Variants in MARCHF4 observed in about 807,000 individuals in gnomAD.
The protein encoded by MARCHF4 is E3 ubiquitin-protein ligase MARCHF4.
A neutral mutation model predicts 43.9 loss-of-function variants in MARCHF4; 14 were observed. The observed-to-expected ratio is 0.32, with a 90% CI of 0.21 to 0.50. The LOEUF is 0.50. MARCHF4 is among the 20% of genes least tolerant of loss of function. MARCHF4 has a pLI of 0.98. For missense variants in MARCHF4, 468 were observed against 536.7 expected, an observed-to-expected ratio of 0.87 and a Z score of 1.27; for synonymous variants, 226 against 213.3, an observed-to-expected ratio of 1.06 and a Z score of -0.52.
intron 1 of MARCHF4, among the ~76,000 whole-genome samples, chr2:216,312,735 T>TG (rs34191228): frequency 0.45 from 68,269 of 151,920 alleles, 15,507 homozygotes; most frequent in Middle Eastern, 0.52. Context: ...TTAATGGAGT[T>TG]TTTCTTGTTG....
chr2:216,278,516 T>C (rs1200859958), intron 2 of MARCHF4, among the ~76,000 whole-genome samples: 3 of 152,150 alleles, frequency 2.0e-5, no homozygotes, highest in Non-Finnish European at 4.4e-5. Context: ...TGAGCCACCA[T>C]GCCCAGCCTG....
intron 1 of MARCHF4, among the ~76,000 whole-genome samples, chr2:216,354,293 G>T (rs1257767462): frequency 2.6e-5 from 4 of 152,178 alleles, no homozygotes; most frequent in Non-Finnish European, 5.9e-5. Flanking sequence ...GAGAATCAGG[G>T]TTAATCTCTT....
intron 1 of MARCHF4, among the ~76,000 whole-genome samples, chr2:216,296,107 C>T (rs1484924909): frequency 6.6e-6 from 1 of 152,190 alleles, no homozygotes; most frequent in African/African-American, 2.4e-5. Context: ...GATCGTGCCA[C>T]TGCACTCCAG....
At chr2:216,339,282 A>G (rs904566076) in intron 1 of MARCHF4, among the ~76,000 whole-genome samples, 1 of 152,094 alleles carries the variant, frequency 6.6e-6, no homozygotes, top group African/African-American at 2.4e-5. Flanking sequence ...GTAGTGTTCA[A>G]TGGCCATGCC....
chr2:216,310,703 T>A (rs1340466372), intron 1 of MARCHF4, among the ~76,000 whole-genome samples: 1 of 152,254 alleles, frequency 6.6e-6, no homozygotes, highest in Non-Finnish European at 1.5e-5. Flanking sequence ...TCTGGCTTTC[T>A]GGTCCTGCCA....
intron 1 of MARCHF4, among the ~76,000 whole-genome samples, chr2:216,296,056 G>A (rs1217099389): frequency 6.6e-6 from 1 of 152,218 alleles, no homozygotes. Flanking sequence ...TGAGGCAGGA[G>A]GATCGATTGA....
At chr2:216,318,450 G>T (rs1277766705) in intron 1 of MARCHF4, among the ~76,000 whole-genome samples, 2 of 152,108 alleles carry the variant, frequency 1.3e-5, no homozygotes, top group African/African-American at 2.4e-5. Context: ...ATATGGGAGG[G>T]GGTCATAAGT....
intron 1 of MARCHF4, among the ~76,000 whole-genome samples, chr2:216,338,024 A>G (rs563883889): frequency 6.6e-6 from 1 of 152,342 alleles, no homozygotes; most frequent in African/African-American, 2.4e-5. Flanking sequence ...CACAGAGGTC[A>G]GCAGTGACTT....
At chr2:216,337,145 C>A (rs1692170919) in intron 1 of MARCHF4, among the ~76,000 whole-genome samples, 2 of 149,770 alleles carry the variant, frequency 1.3e-5, no homozygotes, top group South Asian at 4.2e-4. Context: ...GAGCAAGACT[C>A]CCTCTTGAAA....
At position 216,259,143 on chromosome 2, in the gene MARCHF4, A is replaced by T; in HGVS notation, c.*169T>A. On this transcript the variant is annotated 3_prime_UTR_variant, in exon 4 of 4. Transcript: ENST00000273067. ...GGCATTGACTGATTGGAAATAGCAG[A>T]ACTGCTCCTGCACCAGCCTCACTCC... The T allele has an allele frequency of 1.1e-6, 1 of 893,152 alleles. No individual in the cohort carries two copies. The highest frequency in any genetic ancestry group is 1.6e-6 in the Non-Finnish European group (1 of 607,800). The allele number at this position is 893,152 out of a possible 1,614,324, so 55.3% of individuals were successfully genotyped here.
chr2:216,272,343 A>T (rs953189966), intron 3 of MARCHF4, among the ~76,000 whole-genome samples: 2 of 152,156 alleles, frequency 1.3e-5, no homozygotes, highest in Non-Finnish European at 2.9e-5. Flanking sequence ...AGGAGATGCA[A>T]CAATGGCTAA....
At position 216,283,804 on chromosome 2, in the gene MARCHF4, G is replaced by A. The variant is rs535389241; in HGVS notation, c.517-75C>T. 168 of 1,438,674 alleles carry A rather than the reference G, an allele frequency of 1.2e-4. No individual in the cohort carries two copies. In the Middle Eastern group the frequency reaches 1.5e-3, roughly 13 times the overall value. The allele number at this position is 1,438,674 out of a possible 1,614,324, so 89.1% of individuals were successfully genotyped here. On this transcript the variant is annotated intron_variant, in intron 1 of 3. Coordinates refer to ENST00000273067, the MANE Select transcript of MARCHF4 (RefSeq NM_020814.3). ...TGGGTGAGTGATGGGCGGGAGGGTG[G>A]CAGCTGCAGCCTGGTTTGAGCCACC...
Position 216,259,137 on chromosome 2 carries a change from T to C in MARCHF4, c.*175A>G. On this transcript the variant is annotated 3_prime_UTR_variant, in exon 4 of 4. Transcript: ENST00000273067. ...GAGAGTGGCATTGACTGATTGGAAATAGCAGAACTGCTCCTGCACCAGCCT... is the reference window on the plus strand; with the variant it reads ...GAGAGTGGCATTGACTGATTGGAAACAGCAGAACTGCTCCTGCACCAGCCT... 1.2e-6 allele frequency: 1 copy of C among 821,858 alleles called. No individual in the cohort carries two copies. Among genetic ancestry groups the C allele is most frequent in the East Asian group, 2.5e-5 (1 of 39,724 alleles). The allele number at this position is 821,858 out of a possible 1,614,324, so 50.9% of individuals were successfully genotyped here.
chr2:216,266,908 T>C (rs1037057308), intron 3 of MARCHF4, among the ~76,000 whole-genome samples: 3 of 152,230 alleles, frequency 2.0e-5, no homozygotes, highest in Admixed American at 6.5e-5. Context: ...ACACGTCACA[T>C]GAGCTATTAT....
chr2:216,352,179 T>G (rs1177488094), intron 1 of MARCHF4, among the ~76,000 whole-genome samples: 4 of 152,190 alleles, frequency 2.6e-5, no homozygotes, highest in Non-Finnish European at 5.9e-5. Flanking sequence ...CTCCCCTTTG[T>G]CCACCTGTTT....
At position 216,370,003 on chromosome 2, in the gene MARCHF4, C is replaced by T; in HGVS notation, c.258G>A (p.Gly86=). ...NNTLPALGAG[G]WAGWRGPREV... ...CTCGGGGGCCCCTCCAGCCTGCCCA[C>T]CCCCCGGCGCCCAGAGCCGGAAGGG... is the stretch of plus-strand genomic sequence containing the variant. Residue 86 remains glycine, a synonymous_variant, in exon 1 of 4, where the codon GGG becomes GGA. Coordinates refer to ENST00000273067, the MANE Select transcript of MARCHF4 (RefSeq NM_020814.3). 1.3e-6 allele frequency: 2 copies of T among 1,535,808 alleles called. No homozygotes were observed. Among genetic ancestry groups the T allele is most frequent in the Non-Finnish European group, 8.8e-7 (1 of 1,136,346 alleles).
chr2:216,281,620 A>C (rs1691129554), intron 2 of MARCHF4, among the ~76,000 whole-genome samples: 1 of 152,252 alleles, frequency 6.6e-6, no homozygotes, highest in African/African-American at 2.4e-5. Flanking sequence ...AGCACAGGAC[A>C]TACAATTGGG....
At chr2:216,278,214 A>T (rs1691059669) in intron 2 of MARCHF4, among the ~76,000 whole-genome samples, 1 of 134,208 alleles carries the variant, frequency 7.5e-6, no homozygotes, top group Admixed American at 7.6e-5. Context: ...CCCCCAGATG[A>T]TTCTTTTATT....
chr2:216,369,822 G>A lies in MARCHF4; in HGVS notation c.439C>T (p.Arg147Cys), dbSNP rs771061311. 1.5e-5 allele frequency: 25 copies of A among 1,613,854 alleles called. No individual in the cohort carries two copies. The South Asian group carries it at 2.6e-4, about 17-fold the overall frequency. ...TCCAAGCTGCTGCCCAGTGAGTAGC[G>A]ATCCTCGGTCTTCTCCTTACAGAAG... ...DDFCKEKTED[R>C]YSLGSSLDSG... Residue 147 changes from arginine to cysteine, a missense_variant, in exon 1 of 4, where the codon CGC becomes TGC. Physicochemically the swap from Arg to Cys is radical, Grantham distance 180. Around this residue, in one of 3 missense-constraint regions of MARCHF4, gnomAD observed 158 missense variants for 251.1 expected, o/e 0.63. Coordinates refer to ENST00000273067, the MANE Select transcript of MARCHF4 (RefSeq NM_020814.3).
Sources: gnomAD v4.1 joint callset for allele counts (sites outside exome capture counted in the v4.1 genomes callset) on GRCh38, gnomAD v4.1.1 for gene constraint, gnomAD v4.1.1 regional missense constraint, MANE v1.5 for transcripts, NCBI Gene and HGNC (gene_info 2026-07-23, HGNC 2026-07-21) for gene names.